CFAP92: variants seen among roughly 807,000 people sequenced by gnomAD.
The protein encoded by CFAP92 is cilia and flagella associated protein 92 (putative), also known as uncharacterized protein CFAP92.
In CFAP92, 86 loss-of-function variants were observed where a neutral mutation model predicts 106.3. That is an observed-to-expected ratio of 0.81 (90% CI 0.68 to 0.97). The LOEUF (loss-of-function observed/expected upper bound fraction) is 0.97, where lower values mean the gene tolerates loss of function less well. CFAP92 is among the 50% of genes least tolerant of loss of function. The pLI, the probability that CFAP92 is intolerant of heterozygous loss-of-function variation, is 0.00. For synonymous variants in CFAP92, 477 were observed against 506.4 expected (o/e 0.94, Z 0.78); for missense variants, 1,204 against 1,283.8 (o/e 0.94, Z 0.95).
At chr3:128,999,761 T>C (rs984664021) in intron 1 of CFAP92, among the ~76,000 whole-genome samples, 18 of 152,040 alleles carry the variant, frequency 1.2e-4, no homozygotes, top group Non-Finnish European at 2.2e-4. Context: ...CAGGCTGTTC[T>C]CGAACTCTTG....
chr3:129,019,612 A>C, the CFAP92 span, among the ~76,000 whole-genome samples: 1 of 152,168 alleles, frequency 6.6e-6, no homozygotes, highest in Non-Finnish European at 1.5e-5. Flanking sequence ...TAAGTTGTAG[A>C]TCAGCACTGT....
chr3:129,024,314 T>G, the CFAP92 span, among the ~76,000 whole-genome samples: 1 of 152,068 alleles, frequency 6.6e-6, no homozygotes, highest in Admixed American at 6.6e-5. Flanking sequence ...GGCAGATCAC[T>G]TGAGGCCAGG....
In CFAP92 at chr3:128,945,077, T is replaced by C; in HGVS notation, c.2252A>G (p.Gln751Arg). The C allele has an allele frequency of 6.6e-7, 1 of 1,519,140 alleles. No individual in the cohort carries two copies. The highest frequency in any genetic ancestry group is 8.8e-7 in the Non-Finnish European group (1 of 1,136,998). The allele number at this position is 1,519,140 out of a possible 1,614,324, so 94.1% of individuals were successfully genotyped here. A position where few individuals can be genotyped will look rare whatever the true frequency, so the allele number is the denominator to read the frequency against. Residue 751 changes from glutamine (Q) to arginine (R), a missense_variant, in exon 10 of 16, where the codon CAA (glutamine) becomes CGA (arginine). Coordinates refer to ENST00000645291, the MANE Select transcript of CFAP92 (RefSeq NM_001394090.1). ...TGTAAAACAAACCACCTACCAGCTT[T>C]GGTGGTTCTCCCACAGCTGCCTCAA... ...QGLRQLWENH[Q>R]SWIPRSEHRK...
chr3:128,961,478 T>G (rs570882672), intron 9 of CFAP92, among the ~76,000 whole-genome samples: 1 of 128,438 alleles, frequency 7.8e-6, no homozygotes, highest in East Asian at 2.2e-4. Flanking sequence ...CCTCCCCTCC[T>G]CACACCTGGT....
chr3:128,981,172 G>A (rs1943509250), intron 4 of CFAP92, among the ~76,000 whole-genome samples: 2 of 151,634 alleles, frequency 1.3e-5, no homozygotes, highest in African/African-American at 4.9e-5. Context: ...AAGGAGCTGG[G>A]ACTACAGGCG....
chr3:128,987,141 A>T (rs1034245220), intron 4 of CFAP92, among the ~76,000 whole-genome samples: 1 of 152,192 alleles, frequency 6.6e-6, no homozygotes, highest in Non-Finnish European at 1.5e-5. Context: ...AGCCTGGGCG[A>T]CAGAGCGAGA....
intron 3 of CFAP92, among the ~76,000 whole-genome samples, 153 bp downstream of exon 3, chr3:128,988,575 G>A (rs914909036): frequency 1.3e-5 from 2 of 152,092 alleles, no homozygotes; most frequent in African/African-American, 4.8e-5. Context: ...GGAATGATCA[G>A]GCCAGTGCAG....
chr3:129,012,140 G>A, the CFAP92 span, among the ~76,000 whole-genome samples: 1 of 152,212 alleles, frequency 6.6e-6, no homozygotes, highest in Admixed American at 6.5e-5. Flanking sequence ...ACCTATGTAT[G>A]TTGCACATTT....
At chr3:128,947,398 T>C (rs1246305732) in intron 9 of CFAP92, among the ~76,000 whole-genome samples, 1 of 152,216 alleles carries the variant, frequency 6.6e-6, no homozygotes, top group East Asian at 1.9e-4. Context: ...ATTGATAAAC[T>C]GATTCTAAAA....
chr3:128,935,900 A>G (rs537840028), intron 10 of CFAP92, among the ~76,000 whole-genome samples: 268 of 152,362 alleles, frequency 1.8e-3, no homozygotes, highest in African/African-American at 6.0e-3. Flanking sequence ...AAAATTAACT[A>G]AAAGGATAGA....
At chr3:128,928,110 G>A (rs548099506) in intron 12 of CFAP92, among the ~76,000 whole-genome samples, 7 of 152,182 alleles carry the variant, frequency 4.6e-5, no homozygotes, top group African/African-American at 9.6e-5. Flanking sequence ...AAAATTAGCC[G>A]GGAGTGGTGG....
At chr3:129,025,090 G>C in the CFAP92 span, among the ~76,000 whole-genome samples, 25 of 152,246 alleles carry the variant, frequency 1.6e-4, no homozygotes, top group South Asian at 5.2e-3. Context: ...TCCAAATAGA[G>C]GTGCCACAGT....
At chr3:129,002,294 GAGCAGTGATGCGCGCTGCCT>G (rs1944823732) in intron 1 of CFAP92, 1 of 1,526,694 alleles carries the variant, frequency 6.6e-7, no homozygotes, top group Admixed American at 2.0e-5. Context: ...CCGCGCTGCA[GAGCAGTGATGCGCGCTGCCT>G]AGCACTGCAG....
chr3:128,930,394 G>A (rs1001590753), intron 12 of CFAP92, among the ~76,000 whole-genome samples: 1 of 151,880 alleles, frequency 6.6e-6, no homozygotes, highest in Admixed American at 6.6e-5. Flanking sequence ...TTCATGATCC[G>A]CCTGCCTCAG....
chr3:129,010,339 CG>C, the CFAP92 span, among the ~76,000 whole-genome samples: 1 of 152,172 alleles, frequency 6.6e-6, no homozygotes, highest in Admixed American at 6.5e-5. This position sits in a 1 kb window ranked among gnomAD's most constrained non-coding sequence, Gnocchi z 4.3. Flanking sequence ...TTCAGGACAC[CG>C]GGGCAGGGCA....
At chr3:128,933,101 C>T (rs1478065592) in intron 11 of CFAP92, 104 bp from the exon 12 acceptor site, 5 of 1,102,956 alleles carry the variant, frequency 4.5e-6, no homozygotes, top group East Asian at 2.6e-5. Context: ...GGCTGCTTAG[C>T]TGGTCCCAAG....
chr3:128,973,197 AAACT>A (rs1942927302), intron 7 of CFAP92, among the ~76,000 whole-genome samples: 1 of 152,212 alleles, frequency 6.6e-6, no homozygotes, highest in South Asian at 2.1e-4. Flanking sequence ...AATTTTTTTT[AAACT>A]AACAGAAAAA....
At chr3:128,917,714 CAA>C (rs1936934208) in intron 12 of CFAP92, among the ~76,000 whole-genome samples, 1 of 152,092 alleles carries the variant, frequency 6.6e-6, no homozygotes, top group East Asian at 1.9e-4. Flanking sequence ...AAATAGAAGA[CAA>C]GAGAATGAGA....
chr3:129,005,445 GC>G (rs1458441339), upstream of CFAP92, among the ~76,000 whole-genome samples: 1 of 152,248 alleles, frequency 6.6e-6, no homozygotes, highest in African/African-American at 2.4e-5. Context: ...CCCATTTAGG[GC>G]CTGGAAGGTG....
Sources: gnomAD v4.1 joint callset for allele counts (sites outside exome capture counted in the v4.1 genomes callset) on GRCh38, gnomAD v4.1.1 for gene constraint, Gnocchi (gnomAD v3.1) non-coding constraint, MANE v1.5 for transcripts, NCBI Gene and HGNC (gene_info 2026-07-23, HGNC 2026-07-21) for gene names.